SLMAP: variants seen among roughly 807,000 people sequenced by gnomAD.
The protein encoded by SLMAP is sarcolemmal membrane-associated protein.
SLMAP carries 44 observed loss-of-function variants against 128.8 expected under a neutral mutation model. That is an observed-to-expected ratio of 0.34 (90% CI 0.27 to 0.44). The LOEUF (loss-of-function observed/expected upper bound fraction) is 0.44, where lower values mean the gene tolerates loss of function less well. Among genes scored for constraint, SLMAP ranks in the 20% least tolerant of loss-of-function variants. SLMAP has a pLI of 1.00. For missense variants in SLMAP, 787 were observed against 985.3 expected, an observed-to-expected ratio of 0.80 and a Z score of 2.69; for synonymous variants, 327 against 348.8, an observed-to-expected ratio of 0.94 and a Z score of 0.70.
At chr3:57,909,930 A>G (rs1381783311) in intron 19 of SLMAP, among the ~76,000 whole-genome samples, 1 of 147,908 alleles carries the variant, frequency 6.8e-6, no homozygotes, top group African/African-American at 2.5e-5. Context: ...TTTTTTTTTT[A>G]AAGAAAATTC....
At chr3:57,799,753 C>T (rs926249145) in intron 2 of SLMAP, among the ~76,000 whole-genome samples, 6 of 152,010 alleles carry the variant, frequency 3.9e-5, no homozygotes, top group Non-Finnish European at 8.8e-5. Context: ...AAATTTTTTT[C>T]CCAACTTTTA....
chr3:57,758,672 C>T, intron 2 of SLMAP, among the ~76,000 whole-genome samples: 1 of 152,108 alleles, frequency 6.6e-6, no homozygotes, highest in South Asian at 2.1e-4. Context: ...TAAGCGTAAC[C>T]AATTTAGTAT....
chr3:57,921,213 G>A (rs1208188718), intron 22 of SLMAP, among the ~76,000 whole-genome samples: 1 of 152,134 alleles, frequency 6.6e-6, no homozygotes, highest in African/African-American at 2.4e-5. Flanking sequence ...GTTTCACATT[G>A]GTCTCACCTT....
intron 6 of SLMAP, among the ~76,000 whole-genome samples, chr3:57,852,379 GTATT>G (rs2094539779): frequency 6.6e-6 from 1 of 152,160 alleles, no homozygotes; most frequent in South Asian, 2.1e-4. Context: ...TTTTAATAGA[GTATT>G]TAAGAGTATT....
intron 22 of SLMAP, among the ~76,000 whole-genome samples, chr3:57,922,649 G>A (rs538398237): frequency 1.3e-5 from 2 of 152,030 alleles, no homozygotes; most frequent in Admixed American, 6.6e-5. Flanking sequence ...GGCTAATCTC[G>A]AACTCCTGAC....
chr3:57,769,436 G>A (rs1021454611), intron 2 of SLMAP, among the ~76,000 whole-genome samples: 4 of 151,962 alleles, frequency 2.6e-5, no homozygotes, highest in Admixed American at 6.5e-5. Flanking sequence ...CTCGTGATCC[G>A]CCCGCCTTGG....
intron 2 of SLMAP, among the ~76,000 whole-genome samples, chr3:57,798,025 T>A (rs1442396067): frequency 6.6e-6 from 1 of 152,180 alleles, no homozygotes; most frequent in Non-Finnish European, 1.5e-5. Flanking sequence ...TAATAATACC[T>A]CATATGGGGC....
intron 3 of SLMAP, among the ~76,000 whole-genome samples, chr3:57,834,549 GATTA>G (rs938097801): frequency 9.2e-5 from 14 of 152,052 alleles, no homozygotes; most frequent in African/African-American, 3.1e-4. Flanking sequence ...GGAAAAATTT[GATTA>G]ATTGATTGTT....
intron 17 of SLMAP, among the ~76,000 whole-genome samples, chr3:57,907,565 C>G (rs78481961): frequency 0.06 from 9,156 of 152,274 alleles, 387 homozygotes; most frequent in Non-Finnish European, 0.088. Context: ...TTTTGCTCAT[C>G]TCACTGAATT....
chr3:57,870,789 A>G (rs1261470077), intron 13 of SLMAP, among the ~76,000 whole-genome samples: 2 of 152,218 alleles, frequency 1.3e-5, no homozygotes, highest in Non-Finnish European at 2.9e-5. Flanking sequence ...CCAAGTAGTC[A>G]TTATGTCAGA....
chr3:57,912,972 C>T (rs999012627), intron 20 of SLMAP, among the ~76,000 whole-genome samples, 186 bp from the exon 21 acceptor site: 1 of 152,096 alleles, frequency 6.6e-6, no homozygotes, highest in African/African-American at 2.4e-5. Context: ...TGTTCAAGTA[C>T]AAGCTGATAG....
At chr3:57,804,696 G>T (rs2089426908) in intron 2 of SLMAP, among the ~76,000 whole-genome samples, 1 of 152,116 alleles carries the variant, frequency 6.6e-6, no homozygotes, top group Non-Finnish European at 1.5e-5. Context: ...AGTGAGCCAT[G>T]ATCATGTCAC....
intron 2 of SLMAP, among the ~76,000 whole-genome samples, chr3:57,814,536 A>G (rs566835694): frequency 3.3e-4 from 50 of 152,298 alleles, no homozygotes; most frequent in Admixed American, 1.6e-3. Flanking sequence ...GAATTATGAC[A>G]TCTGCTAAAT....
chr3:57,815,594 A>G (rs2091749046), intron 2 of SLMAP, among the ~76,000 whole-genome samples: 1 of 152,050 alleles, frequency 6.6e-6, no homozygotes, highest in South Asian at 2.1e-4. Context: ...TATATTTATC[A>G]CCTGTATATA....
intron 2 of SLMAP, among the ~76,000 whole-genome samples, chr3:57,782,457 T>A (rs934193284): frequency 5.3e-5 from 8 of 152,134 alleles, no homozygotes; most frequent in African/African-American, 1.9e-4. Context: ...AAGCCAATGT[T>A]TAGGTGGCCA....
At chr3:57,913,045 T>G (rs1168120802) in intron 20 of SLMAP, 113 bp from the exon 21 acceptor site, 13 of 577,450 alleles carry the variant, frequency 2.3e-5, no homozygotes, top group Non-Finnish European at 4.0e-5. Flanking sequence ...AAAATCTACT[T>G]GCTTTTAAGG....
At chr3:57,924,890 G>A (rs1043649963) in intron 23 of SLMAP, among the ~76,000 whole-genome samples, 2 of 151,312 alleles carry the variant, frequency 1.3e-5, no homozygotes, top group African/African-American at 4.9e-5. Context: ...CAAAAATAGT[G>A]TACTGTCAAG....
At chr3:57,865,179 C>A in intron 12 of SLMAP, 63 bp from the exon 13 acceptor site, 1 of 897,234 alleles carries the variant, frequency 1.1e-6, no homozygotes, top group Non-Finnish European at 1.7e-6. Context: ...CATGGTTACA[C>A]TTGAGACCAC....
At chr3:57,859,344 G>A (rs973135959) in intron 8 of SLMAP, among the ~76,000 whole-genome samples, 3 of 151,546 alleles carry the variant, frequency 2.0e-5, no homozygotes, top group African/African-American at 4.8e-5. Flanking sequence ...AAAAAAGCGG[G>A]GGCAGTTTGA....
Sources: gnomAD v4.1 joint callset for allele counts (sites outside exome capture counted in the v4.1 genomes callset) on GRCh38, gnomAD v4.1.1 for gene constraint, MANE v1.5 for transcripts, NCBI Gene and HGNC (gene_info 2026-07-23, HGNC 2026-07-21) for gene names.